Variants in MYO1B observed in about 807,000 individuals in gnomAD.
MYO1B encodes the protein unconventional myosin-Ib.
MYO1B carries 72 observed loss-of-function variants against 159.7 expected under a neutral mutation model. The ratio of observed to expected loss-of-function variants is 0.45; its 90% CI spans 0.37 to 0.55. The LOEUF (loss-of-function observed/expected upper bound fraction) is 0.55. MYO1B is among the 20% of genes least tolerant of loss of function. The probability of loss-of-function intolerance (pLI) is 0.00; values close to 1 mark genes in which losing one functional copy is unlikely to be tolerated. For missense variants in MYO1B, 1,062 were observed against 1,364.8 expected (o/e 0.78, Z 3.50); for synonymous variants, 468 against 473.8 (o/e 0.99, Z 0.16).
intron 7 of MYO1B, among the ~76,000 whole-genome samples, chr2:191,357,717 TA>T (rs1553551129): frequency 1.3e-5 from 2 of 152,194 alleles, no homozygotes; most frequent in Non-Finnish European, 2.9e-5. Context: ...TTAAGTAAAT[TA>T]AAATGGTCAG....
chr2:191,322,971 A>G (rs1363842043), intron 3 of MYO1B, among the ~76,000 whole-genome samples: 3 of 152,174 alleles, frequency 2.0e-5, no homozygotes, highest in Non-Finnish European at 2.9e-5. Context: ...TTTCTTGATC[A>G]TGTGCTAAAC....
At chr2:191,347,260 G>A (rs780954282) in intron 6 of MYO1B, among the ~76,000 whole-genome samples, 1 of 152,164 alleles carries the variant, frequency 6.6e-6, no homozygotes, top group Non-Finnish European at 1.5e-5. Flanking sequence ...TTTAGAAAAT[G>A]GCAGGCTAAA....
intron 24 of MYO1B, among the ~76,000 whole-genome samples, chr2:191,403,842 A>T (rs928014481): frequency 1.3e-5 from 2 of 152,200 alleles, no homozygotes; most frequent in Non-Finnish European, 2.9e-5. Context: ...ACAAAAGTAA[A>T]CATTTTCCCA....
intron 1 of MYO1B, among the ~76,000 whole-genome samples, chr2:191,251,041 G>T (rs576379296): frequency 1.3e-5 from 2 of 152,184 alleles, no homozygotes; most frequent in African/African-American, 4.8e-5. Context: ...AGAATTGGTT[G>T]AACTGCTTCT....
At chr2:191,338,671 C>T (rs1433964513) in intron 4 of MYO1B, among the ~76,000 whole-genome samples, 1 of 152,168 alleles carries the variant, frequency 6.6e-6, no homozygotes, top group Non-Finnish European at 1.5e-5. Context: ...AAGCAGTTGT[C>T]CTCTAAGTTC....
intron 7 of MYO1B, among the ~76,000 whole-genome samples, chr2:191,355,587 G>A (rs1309997715): frequency 6.6e-6 from 1 of 152,222 alleles, no homozygotes; most frequent in Non-Finnish European, 1.5e-5. Context: ...GATTGACAAC[G>A]CTAAGCAACT....
intron 7 of MYO1B, among the ~76,000 whole-genome samples, chr2:191,355,838 G>C (rs13415151): frequency 1.3e-5 from 2 of 152,280 alleles, no homozygotes; most frequent in South Asian, 4.1e-4. Flanking sequence ...AAAGCAAAAG[G>C]AAATGGCCAC....
At chr2:191,360,329 A>C (rs550604667) in intron 7 of MYO1B, among the ~76,000 whole-genome samples, 1 of 152,364 alleles carries the variant, frequency 6.6e-6, no homozygotes, top group East Asian at 1.9e-4. Context: ...TCACATTTTC[A>C]GGAATTTAAT....
chr2:191,297,798 G>T (rs1689075367), intron 3 of MYO1B, among the ~76,000 whole-genome samples: 1 of 152,176 alleles, frequency 6.6e-6, no homozygotes, highest in South Asian at 2.1e-4. Flanking sequence ...AACCCCAGGG[G>T]ACAGTTGACA....
chr2:191,385,229 C>A (rs1045069767), intron 15 of MYO1B, among the ~76,000 whole-genome samples: 26 of 152,168 alleles, frequency 1.7e-4, no homozygotes, highest in Non-Finnish European at 7.4e-5. Flanking sequence ...AGATATGCAA[C>A]AAATAAATTT....
At chr2:191,397,030 A>G (rs1696122386) in intron 21 of MYO1B, among the ~76,000 whole-genome samples, 1 of 151,712 alleles carries the variant, frequency 6.6e-6, no homozygotes, top group African/African-American at 2.4e-5. Flanking sequence ...GCCACAGGCT[A>G]CAGCTAGCCT....
At chr2:191,334,520 A>G (rs1256363134) in intron 4 of MYO1B, among the ~76,000 whole-genome samples, 1 of 152,042 alleles carries the variant, frequency 6.6e-6, no homozygotes, top group Non-Finnish European at 1.5e-5. Flanking sequence ...TTCTCTTGTT[A>G]TTTTTCTGCT....
intron 2 of MYO1B, among the ~76,000 whole-genome samples, chr2:191,284,834 A>AT (rs1688271275): frequency 6.6e-6 from 1 of 152,078 alleles, no homozygotes; most frequent in South Asian, 2.1e-4. Context: ...GCGTTTCACC[A>AT]TTTTGGCCAG....
chr2:191,311,434 CTA>C (rs1479667356), intron 3 of MYO1B, among the ~76,000 whole-genome samples: 2 of 152,148 alleles, frequency 1.3e-5, no homozygotes, highest in Non-Finnish European at 2.9e-5. Context: ...CTTTTATCCT[CTA>C]TATTTTCATG....
intron 21 of MYO1B, among the ~76,000 whole-genome samples, chr2:191,396,957 A>G (rs376788121): frequency 1.3e-5 from 2 of 152,136 alleles, no homozygotes; most frequent in Non-Finnish European, 2.9e-5. Context: ...GAGCCGTCAC[A>G]GTGGACAGCC....
At chr2:191,398,090 A>C (rs76986667) in intron 21 of MYO1B, among the ~76,000 whole-genome samples, 298 of 298 alleles carry the variant, frequency 1, 149 homozygotes, top group Non-Finnish European at 1. Flanking sequence ...CATCTCCCTC[A>C]CGGACGGGGC....
intron 13 of MYO1B, chr2:191,377,485 G>A (rs755647103): frequency 6.6e-6 from 1 of 152,104 alleles, no homozygotes; most frequent in Non-Finnish European, 1.5e-5. Context: ...GAGAGGGCCT[G>A]GCTCAGGGAT....
intron 1 of MYO1B, among the ~76,000 whole-genome samples, chr2:191,270,465 G>A (rs999088626): frequency 6.6e-6 from 1 of 152,104 alleles, no homozygotes; most frequent in African/African-American, 2.4e-5. Flanking sequence ...GAGGTACCAC[G>A]ATGTTCACTG....
intron 11 of MYO1B, among the ~76,000 whole-genome samples, chr2:191,367,033 C>T (rs559181714): frequency 6.6e-6 from 1 of 152,122 alleles, no homozygotes; most frequent in South Asian, 2.1e-4. Context: ...TGTTACTGGC[C>T]ATGTCTGCAG....
Sources: gnomAD v4.1 joint callset for allele counts (sites outside exome capture counted in the v4.1 genomes callset) on GRCh38, gnomAD v4.1.1 for gene constraint, MANE v1.5 for transcripts, NCBI Gene and HGNC (gene_info 2026-07-23, HGNC 2026-07-21) for gene names.